The following RRAS2 variants were observed in gnomAD, a reference collection of about 807,000 sequenced individuals.
RRAS2 encodes RAS related 2.
Under a neutral mutation model 27.6 loss-of-function variants are expected in RRAS2, and 7 were observed. The ratio of observed to expected loss-of-function variants is 0.25; its 90% CI spans 0.14 to 0.48. The LOEUF (loss-of-function observed/expected upper bound fraction) is 0.48, where lower values mean the gene tolerates loss of function less well. Ranked by LOEUF, RRAS2 falls within the 20% of genes least tolerant of loss-of-function variation. RRAS2 has a pLI of 0.99. For missense variants in RRAS2, 178 were observed against 256.2 expected (o/e 0.69, Z 2.08); for synonymous variants, 86 against 90.9 (o/e 0.95, Z 0.31).
At chr11:14,281,764 G>A (rs782594259) in intron 4 of RRAS2, 44 bp from the exon 5 acceptor site, 148 of 1,487,560 alleles carry the variant, frequency 9.9e-5, no homozygotes, top group Non-Finnish European at 1.3e-4. Flanking sequence ...ATTAACAACT[G>A]GATTTGTTCC....
At chr11:14,291,676 T>C (rs1191915257) in intron 4 of RRAS2, among the ~76,000 whole-genome samples, 1 of 152,046 alleles carries the variant, frequency 6.6e-6, no homozygotes, top group Non-Finnish European at 1.5e-5. Context: ...ATCTATTACT[T>C]TTACAAAAAG....
chr11:14,323,980 TAAA>T (rs34742487), intron 1 of RRAS2, among the ~76,000 whole-genome samples: 6 of 145,694 alleles, frequency 4.1e-5, no homozygotes, highest in African/African-American at 1.5e-4. Context: ...ACATTTGTCT[TAAA>T]AAAAAAAAAA....
intron 4 of RRAS2, among the ~76,000 whole-genome samples, chr11:14,292,409 G>A (rs938416138): frequency 3.9e-5 from 6 of 152,104 alleles, no homozygotes; most frequent in Admixed American, 2.0e-4. Flanking sequence ...AAAAGTCAGC[G>A]AGAGATAGGA....
chr11:14,316,705 T>C (rs1349097439), intron 1 of RRAS2, among the ~76,000 whole-genome samples: 2 of 152,212 alleles, frequency 1.3e-5, no homozygotes, highest in Non-Finnish European at 2.9e-5. Context: ...ATCGCACCAC[T>C]GCACTTAGCC....
At chr11:14,317,921 A>C (rs1049454781) in intron 1 of RRAS2, among the ~76,000 whole-genome samples, 3 of 152,206 alleles carry the variant, frequency 2.0e-5, no homozygotes, top group Non-Finnish European at 4.4e-5. Context: ...ACAGAGTGAG[A>C]GAATGTCTCT....
intron 1 of RRAS2, among the ~76,000 whole-genome samples, chr11:14,307,094 A>C (rs1847847828): frequency 6.6e-6 from 1 of 151,776 alleles, no homozygotes; most frequent in Non-Finnish European, 1.5e-5. Flanking sequence ...GGGAAGTTGA[A>C]GTGGGAGGAT....
chr11:14,349,216 G>T (rs927106059), intron 1 of RRAS2, among the ~76,000 whole-genome samples: 1 of 147,784 alleles, frequency 6.8e-6, no homozygotes, highest in Non-Finnish European at 1.5e-5. Flanking sequence ...GCAGTGGCGC[G>T]ACTTGGCTCA....
intron 1 of RRAS2, among the ~76,000 whole-genome samples, chr11:14,301,968 G>C (rs959019057): frequency 6.6e-6 from 1 of 151,944 alleles, no homozygotes; most frequent in South Asian, 2.1e-4. Flanking sequence ...GGGCAACAGA[G>C]CGAGACTCTT....
chr11:14,346,090 G>A (rs181777621), intron 1 of RRAS2, among the ~76,000 whole-genome samples: 2 of 152,196 alleles, frequency 1.3e-5, no homozygotes, highest in East Asian at 1.9e-4. Context: ...ATATCAGACC[G>A]AGAAATCAAG....
rs188334570 is a variant in RRAS2, at chr11:14,279,748, G to A, written c.528-324C>T. Among the ~76,000 whole-genome samples, 4 of 152,290 alleles carry A rather than the reference G, an allele frequency of 2.6e-5. No individual in the cohort carries two copies. In the East Asian group the frequency reaches 7.7e-4, roughly 29 times the overall value. On this transcript the variant is annotated intron_variant, in intron 5 of 5. Transcript: ENST00000256196. ...AAGAATAAAGATTCATCATTAGAGT[G>A]CAATATAAAATTAACCTTATGAGGT...
intron 1 of RRAS2, among the ~76,000 whole-genome samples, chr11:14,315,182 G>A (rs1260179282): frequency 6.6e-6 from 1 of 152,174 alleles, no homozygotes; most frequent in Non-Finnish European, 1.5e-5. Context: ...ATATGGAAAA[G>A]GGTTGGGGCA....
chr11:14,305,616 T>TCTC (rs1470409305), intron 1 of RRAS2, among the ~76,000 whole-genome samples: 2 of 152,138 alleles, frequency 1.3e-5, no homozygotes, highest in Non-Finnish European at 2.9e-5. Context: ...ACACTGTATC[T>TCTC]CTCTTCCCAC....
At chr11:14,303,304 AT>A (rs2133973773) in intron 1 of RRAS2, among the ~76,000 whole-genome samples, 1 of 152,346 alleles carries the variant, frequency 6.6e-6, no homozygotes, top group African/African-American at 2.4e-5. Context: ...GAATGTATGA[AT>A]AACTGATATA....
intron 1 of RRAS2, among the ~76,000 whole-genome samples, chr11:14,345,727 A>G (rs1434555182): frequency 6.6e-6 from 1 of 152,226 alleles, no homozygotes; most frequent in Non-Finnish European, 1.5e-5. Context: ...CCAAAAGCCC[A>G]TATTTGGAGA....
In RRAS2 at chr11:14,358,106, A is replaced by C. The variant is rs2134047520; in HGVS notation, c.108+657T>G. The C allele has an allele frequency of 1.8e-6, 1 of 566,912 alleles. No homozygotes were observed. The highest frequency in any genetic ancestry group is 2.0e-5 in the African/African-American group (1 of 49,328). 35.1% of individuals were successfully genotyped at this position (566,912 alleles called of 1,614,324 possible). On this transcript the variant is annotated intron_variant, in intron 1 of 5. Coordinates refer to ENST00000256196, the MANE Select transcript of RRAS2 (RefSeq NM_012250.6). The surrounding 1 kb of genome is among the most constrained non-coding windows in gnomAD (Gnocchi z 5.1). ...AAGCAGGACGGCATCAGGAATTCCT[A>C]GGAAATGGTCTCACCCCATCAGAGA...
Position 14,293,124 on chromosome 11 carries a change from AATATATATATATATATAT to A in RRAS2, c.408+1329_408+1346del, listed in dbSNP as rs781860601. 1.3e-3 allele frequency among the ~76,000 whole-genome samples: 97 copies of A among 76,800 alleles called. 2 individuals carry two copies. The highest frequency in any genetic ancestry group is 1.8e-3 in the African/African-American group (29 of 16,004). The allele number at this position is 76,800 out of a possible 152,430, so 50.4% of individuals were successfully genotyped here. A position where few individuals can be genotyped will look rare whatever the true frequency, so the allele number is the denominator to read the frequency against. On this transcript the variant is annotated intron_variant, in intron 4 of 5. Transcript: ENST00000256196. ...CTCCGTCTCAAAACAAAACAAAACA[AATATATATATATATATAT>A]ATATATATATATATATATATCATTT...
chr11:14,342,782 C>T (rs1183477161), intron 1 of RRAS2, among the ~76,000 whole-genome samples: 1 of 152,062 alleles, frequency 6.6e-6, no homozygotes, highest in Admixed American at 6.5e-5. Flanking sequence ...ATGTATGGTG[C>T]CTTTTTCAAT....
chr11:14,337,215 T>C (rs1848605968), intron 1 of RRAS2: 1 of 152,226 alleles, frequency 6.6e-6, no homozygotes, highest in Admixed American at 6.5e-5. Flanking sequence ...CCATTCTGAG[T>C]AGCCTGATGA....
At chr11:14,341,398 T>A (rs962736381) in intron 1 of RRAS2, among the ~76,000 whole-genome samples, 6 of 152,206 alleles carry the variant, frequency 3.9e-5, no homozygotes, top group Admixed American at 3.9e-4. Context: ...AAATTAATCA[T>A]CAGTTCCTGT....
Sources: allele counts gnomAD v4.1 joint callset (sites outside exome capture counted in the v4.1 genomes callset), GRCh38; gene constraint gnomAD v4.1.1; non-coding constraint Gnocchi (gnomAD v3.1); transcripts MANE v1.5; gene names NCBI Gene and HGNC (gene_info 2026-07-23, HGNC 2026-07-21).